ERC1: variants seen among roughly 807,000 people sequenced by gnomAD.
ERC1 encodes ELKS/RAB6-interacting/CAST family member 1, also known as RAB6 interacting protein 2.
Under a neutral mutation model 132.0 loss-of-function variants are expected in ERC1, and 56 were observed. The observed-to-expected ratio is 0.42, with a 90% CI of 0.34 to 0.53. ERC1 has a LOEUF of 0.53. Among genes scored for constraint, ERC1 ranks in the 20% least tolerant of loss-of-function variants. ERC1 has a pLI of 0.03. For synonymous variants in ERC1, 478 were observed against 476.1 expected (o/e 1.00, Z -0.05); for missense variants, 1,202 against 1,349.9 (o/e 0.89, Z 1.72).
intron 2 of ERC1, among the ~76,000 whole-genome samples, chr12:1,062,917 C>T (rs1473892572): frequency 6.6e-6 from 1 of 152,148 alleles, no homozygotes; most frequent in Non-Finnish European, 1.5e-5. Context: ...ATAGTTGTTA[C>T]GTCCTTTTGC....
chr12:1,437,622 A>G (rs1331228229), intron 17 of ERC1, among the ~76,000 whole-genome samples: 11 of 152,236 alleles, frequency 7.2e-5, no homozygotes, highest in Non-Finnish European at 1.5e-5. Flanking sequence ...TGAAGATTGA[A>G]TAGGCAGAAT....
At chr12:1,018,289 C>T (rs962439469) in intron 1 of ERC1, among the ~76,000 whole-genome samples, 1 of 152,294 alleles carries the variant, frequency 6.6e-6, no homozygotes. Context: ...GCAACTTCCA[C>T]CTCCCGGCTT....
At chr12:1,084,496 T>C (rs1460565195) in intron 3 of ERC1, among the ~76,000 whole-genome samples, 2 of 152,190 alleles carry the variant, frequency 1.3e-5, no homozygotes, top group Non-Finnish European at 2.9e-5. Context: ...GAAATCTTTT[T>C]TAACAGTGAG....
intron 15 of ERC1, among the ~76,000 whole-genome samples, chr12:1,346,805 G>A (rs1162511131): frequency 4.0e-5 from 6 of 150,738 alleles, no homozygotes; most frequent in South Asian, 2.1e-4. Context: ...AGCCGGGCGC[G>A]GTGGCGGGCG....
chr12:1,157,782 G>A (rs957064990), intron 8 of ERC1, among the ~76,000 whole-genome samples: 2 of 152,170 alleles, frequency 1.3e-5, no homozygotes, highest in Non-Finnish European at 2.9e-5. Flanking sequence ...AAATACTGCT[G>A]ATGAGTTACA....
At chr12:1,020,502 A>G (rs1420098895) in intron 1 of ERC1, among the ~76,000 whole-genome samples, 1 of 152,162 alleles carries the variant, frequency 6.6e-6, no homozygotes, top group Non-Finnish European at 1.5e-5. Flanking sequence ...TTTTATGAAG[A>G]GTATGTATTG....
chr12:1,323,372 A>T (rs1284862450), intron 15 of ERC1, among the ~76,000 whole-genome samples: 1 of 152,218 alleles, frequency 6.6e-6, no homozygotes. Flanking sequence ...ATTAGTTAAC[A>T]TGGAAAATAA....
intron 1 of ERC1, among the ~76,000 whole-genome samples, chr12:1,024,098 C>T (rs1186776703): frequency 6.6e-6 from 1 of 152,188 alleles, no homozygotes; most frequent in Non-Finnish European, 1.5e-5. Flanking sequence ...AAAGTACCAT[C>T]AGCTGGGCAC....
intron 15 of ERC1, among the ~76,000 whole-genome samples, chr12:1,357,861 C>A (rs1025437348): frequency 6.6e-6 from 1 of 152,166 alleles, no homozygotes; most frequent in African/African-American, 2.4e-5. Context: ...CAACTTCATC[C>A]CCAGATCTCC....
At chr12:1,219,457 A>T (rs186580425) in intron 12 of ERC1, among the ~76,000 whole-genome samples, 5 of 152,184 alleles carry the variant, frequency 3.3e-5, no homozygotes, top group Admixed American at 2.6e-4. Context: ...CCCTACGTTA[A>T]ATCTATTAGT....
intron 1 of ERC1, among the ~76,000 whole-genome samples, chr12:996,300 C>CT (rs1202378207): frequency 9.1e-6 from 1 of 110,474 alleles, no homozygotes; most frequent in Non-Finnish European, 1.7e-5. Context: ...GACAGTGTTT[C>CT]ACTGTGTTAG....
chr12:1,056,087 A>T (rs1288356810), intron 2 of ERC1, among the ~76,000 whole-genome samples: 6 of 146,824 alleles, frequency 4.1e-5, no homozygotes, highest in African/African-American at 1.1e-4. Flanking sequence ...TTTTTTTTAA[A>T]AAAAAGGTGA....
chr12:1,207,708 T>C (rs1957470768), intron 12 of ERC1, among the ~76,000 whole-genome samples: 1 of 152,200 alleles, frequency 6.6e-6, no homozygotes, highest in Non-Finnish European at 1.5e-5. Context: ...CATGCATTGA[T>C]AAATGGTAAA....
rs2094321869 is a variant in ERC1, at chr12:1,491,907, C to T, written c.*1677C>T. On this transcript the variant is annotated 3_prime_UTR_variant, in exon 19 of 19. Coordinates refer to ENST00000360905, the MANE Select transcript of ERC1 (RefSeq NM_178040.4). ...CTCTACCACCAGAACCCAGCAGACA[C>T]TCACATCTCCTGATAAGAGTTGCTG... The T allele has an allele frequency of 4.3e-6, 1 of 232,642 alleles. No individual in the cohort carries two copies. The highest frequency in any genetic ancestry group is 8.5e-6 in the Non-Finnish European group (1 of 117,734). 14.4% of individuals were successfully genotyped at this position (232,642 alleles called of 1,614,324 possible).
intron 3 of ERC1, among the ~76,000 whole-genome samples, chr12:1,104,142 A>G (rs1486791609): frequency 6.6e-6 from 1 of 150,994 alleles, no homozygotes; most frequent in Non-Finnish European, 1.5e-5. Context: ...AAAAAAAAAA[A>G]GCTATGTTTT....
intron 2 of ERC1, among the ~76,000 whole-genome samples, chr12:1,037,921 A>G (rs751120749): frequency 8.6e-5 from 13 of 151,660 alleles, no homozygotes; most frequent in Non-Finnish European, 1.6e-4. Flanking sequence ...GCGGGCACCT[A>G]TAGTCCCAGC....
intron 12 of ERC1, among the ~76,000 whole-genome samples, chr12:1,233,706 G>A (rs1195842594): frequency 1.3e-5 from 2 of 152,032 alleles, no homozygotes; most frequent in Admixed American, 6.5e-5. Flanking sequence ...AATCCAGAAT[G>A]TGAGTCGTTG....
intron 2 of ERC1, among the ~76,000 whole-genome samples, chr12:1,079,868 C>G: frequency 6.6e-6 from 1 of 151,642 alleles, no homozygotes; most frequent in Non-Finnish European, 1.5e-5. Context: ...TACAGAGATA[C>G]AGATAGAAAT....
chr12:1,052,063 A>G (rs1186894691), intron 2 of ERC1, among the ~76,000 whole-genome samples: 1 of 152,198 alleles, frequency 6.6e-6, no homozygotes, highest in African/African-American at 2.4e-5. Flanking sequence ...GAGCTTTTAA[A>G]TTGTCAGCTA....
Sources: allele counts gnomAD v4.1 joint callset (sites outside exome capture counted in the v4.1 genomes callset), GRCh38; gene constraint gnomAD v4.1.1; transcripts MANE v1.5; gene names NCBI Gene and HGNC (gene_info 2026-07-23, HGNC 2026-07-21).